FGF12: variants seen among roughly 807,000 people sequenced by gnomAD.
FGF12 encodes fibroblast growth factor 12B.
Under a neutral mutation model 23.6 loss-of-function variants are expected in FGF12, and 14 were observed. The ratio of observed to expected loss-of-function variants is 0.59; its 90% CI spans 0.39 to 0.93. The LOEUF (loss-of-function observed/expected upper bound fraction) is 0.93, where lower values mean the gene tolerates loss of function less well. Ranked by LOEUF, FGF12 falls within the 40% of genes least tolerant of loss-of-function variation. FGF12 has a pLI of 0.00. For missense variants in FGF12, 175 were observed against 217.8 expected (o/e 0.80, Z 1.24); for synonymous variants, 62 against 77.3 (o/e 0.80, Z 1.04).
chr3:192,522,274 T>A (rs1724840804), intron 2 of FGF12, among the ~76,000 whole-genome samples: 1 of 152,062 alleles, frequency 6.6e-6, no homozygotes, highest in Non-Finnish European at 1.5e-5. Flanking sequence ...TGTAATTCTG[T>A]ATTACATTTA....
intron 2 of FGF12, among the ~76,000 whole-genome samples, chr3:192,501,992 A>C (rs895976413): frequency 1.3e-5 from 2 of 152,214 alleles, no homozygotes; most frequent in African/African-American, 4.8e-5. Context: ...TCAACTCTTC[A>C]AGCAGTAGGG....
At chr3:192,204,832 G>A (rs1418094100) in intron 4 of FGF12, among the ~76,000 whole-genome samples, 1 of 152,032 alleles carries the variant, frequency 6.6e-6, no homozygotes, top group East Asian at 1.9e-4. Context: ...GTTGTGGTGA[G>A]CCAAGATCGC....
chr3:192,560,118 C>G (rs1357790149), intron 2 of FGF12, among the ~76,000 whole-genome samples: 22 of 151,962 alleles, frequency 1.4e-4, no homozygotes, highest in Admixed American at 1.4e-3. Flanking sequence ...CGAAACAGCA[C>G]ATTTGTAAAT....
At chr3:192,339,079 A>G (rs1027138121) in intron 3 of FGF12, among the ~76,000 whole-genome samples, 5 of 152,194 alleles carry the variant, frequency 3.3e-5, no homozygotes, top group Non-Finnish European at 7.3e-5. Context: ...GAACCACAAC[A>G]TGATAATGGC....
intron 2 of FGF12, among the ~76,000 whole-genome samples, chr3:192,385,478 T>C (rs77952747): frequency 0.023 from 3,530 of 152,212 alleles, 136 homozygotes; most frequent in African/African-American, 0.081. Context: ...ACTTGAAAAT[T>C]ATGTTTTCCT....
chr3:192,477,263 C>G (rs759216089), intron 2 of FGF12, among the ~76,000 whole-genome samples: 1 of 152,144 alleles, frequency 6.6e-6, no homozygotes, highest in Non-Finnish European at 1.5e-5. Flanking sequence ...CTCCTGCCAG[C>G]GCTTCCCACT....
At chr3:192,334,842 C>T (rs1306832475) in intron 4 of FGF12, among the ~76,000 whole-genome samples, 2 of 152,212 alleles carry the variant, frequency 1.3e-5, no homozygotes, top group Admixed American at 1.3e-4. Context: ...AGAGCTCATT[C>T]CATAAATTCA....
intron 2 of FGF12, among the ~76,000 whole-genome samples, chr3:192,437,835 C>T (rs1722076223): frequency 1.3e-5 from 2 of 152,114 alleles, no homozygotes; most frequent in Admixed American, 6.5e-5. Context: ...TTAAAGTCTC[C>T]AGCTTCCTTG....
chr3:192,184,033 G>A (rs1716322604), intron 4 of FGF12, among the ~76,000 whole-genome samples: 1 of 152,060 alleles, frequency 6.6e-6, no homozygotes, highest in African/African-American at 2.4e-5. Flanking sequence ...GACCAGCCTG[G>A]GTAACATGAC....
chr3:192,426,110 C>T lies in FGF12; in HGVS notation c.14-65572G>A, dbSNP rs566123585. Among the ~76,000 whole-genome samples, 14 of 152,328 alleles carry T rather than the reference C, an allele frequency of 9.2e-5. No homozygotes were observed. The South Asian group carries it at 2.3e-3, about 25-fold the overall frequency. ...ATCCACAAACTCTCCCACGGCTATA[C>T]ATAACACACAGCATGGACTAGTAGT... On this transcript the variant is annotated intron_variant, in intron 2 of 5. Transcript: ENST00000445105.
intron 4 of FGF12, among the ~76,000 whole-genome samples, chr3:192,224,804 G>A (rs1718649508): frequency 6.6e-6 from 1 of 152,152 alleles, no homozygotes; most frequent in Admixed American, 6.6e-5. Context: ...AATCCTCAGA[G>A]TAGTTCGAGT....
chr3:192,384,667 C>T (rs1719968286), intron 2 of FGF12, among the ~76,000 whole-genome samples: 1 of 152,160 alleles, frequency 6.6e-6, no homozygotes, highest in African/African-American at 2.4e-5. Context: ...CATACACACG[C>T]ACATATACAA....
At chr3:192,721,206 T>A (rs1055727235) in intron 2 of FGF12, among the ~76,000 whole-genome samples, 1 of 152,282 alleles carries the variant, frequency 6.6e-6, no homozygotes, top group South Asian at 2.1e-4. Context: ...CACAGTCTAG[T>A]GTAAAGAGAG....
rs529425993 is a variant in FGF12 at position 192,408,535 on chromosome 3, T to C, written c.14-47997A>G. On this transcript the variant is annotated intron_variant, in intron 2 of 5. Transcript: ENST00000445105. The surrounding 1 kb of genome is among the most constrained non-coding windows in gnomAD (Gnocchi z 7.3). ...ACCCCAAACTTGCACCCCAAGGCGA[T>C]CGGCGTCCAAGGGGCAGTGGGGAGT... The C allele has an allele frequency of 1.1e-4, 125 of 1,184,276 alleles. No individual in the cohort carries two copies. In the African/African-American group the frequency reaches 1.8e-3, roughly 17 times the overall value. The allele number at this position is 1,184,276 out of a possible 1,614,324, so 73.4% of individuals were successfully genotyped here. A position where few individuals can be genotyped will look rare whatever the true frequency, so the allele number is the denominator to read the frequency against.
chr3:192,506,938 C>T (rs1046041571), intron 2 of FGF12, among the ~76,000 whole-genome samples: 42 of 147,308 alleles, frequency 2.9e-4, no homozygotes, highest in Non-Finnish European at 5.0e-4. Context: ...GTCACCCAGG[C>T]TGGAGTGTAG....
intron 2 of FGF12, among the ~76,000 whole-genome samples, chr3:192,664,458 G>C (rs1182236974): frequency 6.6e-6 from 1 of 151,806 alleles, no homozygotes; most frequent in African/African-American, 2.4e-5. Context: ...GTTTTTAAAA[G>C]TCACCAAAGG....
chr3:192,373,388 C>G (rs1355069433), intron 2 of FGF12, among the ~76,000 whole-genome samples: 1 of 151,510 alleles, frequency 6.6e-6, no homozygotes, highest in Non-Finnish European at 1.5e-5. Flanking sequence ...AGTCTAGGTC[C>G]CAGAAACCTG....
chr3:192,456,602 T>C (rs1722689578), intron 2 of FGF12, among the ~76,000 whole-genome samples: 1 of 152,058 alleles, frequency 6.6e-6, no homozygotes, highest in South Asian at 2.1e-4. Flanking sequence ...CTAATACGTA[T>C]CCACAAAAAT....
At chr3:192,557,113 A>G (rs941160383) in intron 2 of FGF12, among the ~76,000 whole-genome samples, 1 of 151,990 alleles carries the variant, frequency 6.6e-6, no homozygotes, top group Non-Finnish European at 1.5e-5. Context: ...AAAAACCTCA[A>G]ATAAAAACCT....
Sources: allele counts gnomAD v4.1 joint callset (sites outside exome capture counted in the v4.1 genomes callset), GRCh38; gene constraint gnomAD v4.1.1; non-coding constraint Gnocchi (gnomAD v3.1); transcripts MANE v1.5; gene names NCBI Gene and HGNC (gene_info 2026-07-23, HGNC 2026-07-21).